The following OTOF variants were observed in gnomAD, a reference collection of about 807,000 sequenced individuals.
OTOF encodes the protein fer-1-like family member 2.
OTOF carries 218 observed loss-of-function variants against 236.8 expected under a neutral mutation model. That is an observed-to-expected ratio of 0.92 (90% confidence interval 0.82 to 1.03). The LOEUF is 1.03. Ranked by LOEUF, OTOF falls within the 50% of genes least tolerant of loss-of-function variation. The probability of loss-of-function intolerance (pLI) is 0.00; values close to 1 mark genes in which losing one functional copy is unlikely to be tolerated. For missense variants in OTOF, 2,590 were observed against 2,694.4 expected, an observed-to-expected ratio of 0.96 and a Z score of 0.86; for synonymous variants, 1,041 against 1,072.5, an observed-to-expected ratio of 0.97 and a Z score of 0.57.
intron 6 of OTOF, among the ~76,000 whole-genome samples, chr2:26,502,962 G>A (rs1327895466): frequency 6.6e-6 from 1 of 152,254 alleles, no homozygotes; most frequent in East Asian, 1.9e-4. Context: ...CTAATGAGAT[G>A]CAGACATGTG....
chr2:26,528,370 GCT>G (rs1355884492), intron 2 of OTOF, among the ~76,000 whole-genome samples: 1 of 152,172 alleles, frequency 6.6e-6, no homozygotes, highest in Non-Finnish European at 1.5e-5. Flanking sequence ...TGAGCTTCCA[GCT>G]CTCTCTCATC....
At chr2:26,526,800 T>G (rs1341114967) in intron 3 of OTOF, among the ~76,000 whole-genome samples, 1 of 152,216 alleles carries the variant, frequency 6.6e-6, no homozygotes, top group Non-Finnish European at 1.5e-5. Flanking sequence ...AGCTAACACC[T>G]CCATACCTTC....
chr2:26,543,369 G>A (rs1021252822), intron 1 of OTOF, among the ~76,000 whole-genome samples: 3 of 152,168 alleles, frequency 2.0e-5, no homozygotes, highest in Non-Finnish European at 2.9e-5. Context: ...TCTGTTAGCC[G>A]GGGGTCATTA....
chr2:26,527,393 C>T (rs924990093), intron 3 of OTOF, among the ~76,000 whole-genome samples: 3 of 152,212 alleles, frequency 2.0e-5, no homozygotes, highest in Admixed American at 6.5e-5. Context: ...TCAGGCTTGC[C>T]TGACTCCTAA....
At chr2:26,506,206 T>C (rs919231645) in intron 5 of OTOF, among the ~76,000 whole-genome samples, 4 of 152,208 alleles carry the variant, frequency 2.6e-5, no homozygotes, top group African/African-American at 7.2e-5. Flanking sequence ...GGATTCCTTT[T>C]TGCCCAGCCG....
intron 5 of OTOF, among the ~76,000 whole-genome samples, chr2:26,515,824 T>G (rs540917766): frequency 9.8e-5 from 15 of 152,328 alleles, no homozygotes; most frequent in Middle Eastern, 3.4e-3. Context: ...GTAAAAATAG[T>G]GCACGTGGAA....
intron 2 of OTOF, among the ~76,000 whole-genome samples, chr2:26,536,332 G>A (rs189209005): frequency 6.4e-4 from 98 of 152,336 alleles, no homozygotes; most frequent in Admixed American, 1.1e-3. Context: ...TGTACAGCCA[G>A]GAGGGGGAGA....
intron 1 of OTOF, among the ~76,000 whole-genome samples, chr2:26,550,851 T>C (rs1203828502): frequency 6.6e-6 from 1 of 152,152 alleles, no homozygotes; most frequent in Admixed American, 6.5e-5. Flanking sequence ...GCTAAGAGTG[T>C]GACACCAAAG....
rs765368301 is a variant in OTOF, at chr2:26,479,492, G to T, written c.2074C>A (p.Arg692=). 1.9e-6 allele frequency: 3 copies of T among 1,601,400 alleles called. No individual in the cohort carries two copies. The highest frequency in any genetic ancestry group is 1.3e-5 in the African/African-American group (1 of 74,982). ...GCCCACCTGTCGGTGACCTGGGGCC[G>T]CATTGGTGGAGTGGAGGAGACTGAG... ...LASVSSTPPM[R]PQVTDRNYFH... Residue 692 remains arginine, a synonymous_variant, in exon 17 of 47, where the codon CGG becomes AGG. Transcript: ENST00000272371.
chr2:26,516,401 G>A lies in OTOF; in HGVS notation c.509+17C>T, dbSNP rs774011460. 4 of 1,610,460 alleles carry A rather than the reference G, an allele frequency of 2.5e-6. No individual in the cohort carries two copies. The highest frequency in any genetic ancestry group is 3.3e-5 in the Admixed American group (2 of 59,882). On this transcript the variant is annotated intron_variant, in intron 5 of 46. Transcript: ENST00000272371. ...GTCTTGGGAGCAGTGGGCAGCCAGA[G>A]GGGTCCTGCCTGTTACCTCCGGAAG...
intron 14 of OTOF, 125 bp downstream of exon 14, chr2:26,482,281 G>A (rs1275578026): frequency 5.3e-6 from 5 of 940,624 alleles, no homozygotes; most frequent in South Asian, 1.4e-5. Flanking sequence ...GCAAGGCCCT[G>A]GAAGCACCTG....
In OTOF at chr2:26,461,825, C is replaced by T; in HGVS notation, c.5404G>A (p.Ala1802Thr). 6.2e-7 allele frequency: 1 copy of T among 1,614,216 alleles called. No individual in the cohort carries two copies. Among genetic ancestry groups the T allele is most frequent in the Non-Finnish European group, 8.5e-7 (1 of 1,180,030 alleles). Residue 1802 changes from alanine (A) to threonine (T), a missense_variant, in exon 43 of 47, where the codon GCG (alanine) becomes ACG (threonine). Physicochemically the swap from Ala to Thr is moderately conservative, Grantham distance 58 (BLOSUM62 0). This residue lies in a region of OTOF where 1,211 missense variants were observed against 1,352.8 expected (regional missense o/e 0.90). Transcript: ENST00000272371. This position sits in a 1 kb window ranked among gnomAD's most constrained non-coding sequence, Gnocchi z 6.2. ...RYLFPFDYLA[A>T]EEKIVISKKE... ...TTGGAGATGACGATCTTCTCCTCCGCCGCCAGGTAGTCGAAGGGGAACAGG... is the reference window on the plus strand; with the variant it reads ...TTGGAGATGACGATCTTCTCCTCCGTCGCCAGGTAGTCGAAGGGGAACAGG...
chr2:26,487,977 A>C (rs1665741870), intron 11 of OTOF, among the ~76,000 whole-genome samples: 1 of 152,128 alleles, frequency 6.6e-6, no homozygotes, highest in Non-Finnish European at 1.5e-5. Context: ...CCCCTTCATC[A>C]CCTTGGGCTT....
At position 26,468,460 on chromosome 2, in the gene OTOF, T is replaced by C. The variant is rs1664835092; in HGVS notation, c.4038A>G (p.Gln1346=). The part of the protein sequence containing the change: ...IDTMKEQLRQ[Q]EPSGIDLEEK... ...CCTCCAAGTCAATTCCAGAGGGCTC[T>C]TGTTGTCGAAGTTGCTGCCAAAAGA... Residue 1346 remains glutamine (Q), a synonymous_variant, in exon 33 of 47, where the codon CAA becomes CAG. Transcript: ENST00000272371. The C allele has an allele frequency of 1.2e-6, 2 of 1,613,826 alleles. No homozygotes were observed. The highest frequency in any genetic ancestry group is 1.7e-6 in the Non-Finnish European group (2 of 1,179,832).
At chr2:26,486,688 T>A (rs1665709740) in intron 11 of OTOF, among the ~76,000 whole-genome samples, 1 of 152,154 alleles carries the variant, frequency 6.6e-6, no homozygotes, top group Non-Finnish European at 1.5e-5. Flanking sequence ...AAGTAGTGAG[T>A]GCCCCATTTC....
At position 26,489,669 on chromosome 2, in the gene OTOF, C is replaced by T; in HGVS notation, c.960+9G>A. The T allele has an allele frequency of 1.9e-6, 3 of 1,611,248 alleles. No homozygotes were observed. The highest frequency in any genetic ancestry group is 1.7e-6 in the Non-Finnish European group (2 of 1,178,350). ...TGGCCCTGCCGGCCAGGGGCTGCTCCCCACTCACCGAAATCTTGATGATCT... is the reference window on the plus strand; with the variant it reads ...TGGCCCTGCCGGCCAGGGGCTGCTCTCCACTCACCGAAATCTTGATGATCT... On this transcript the variant is annotated intron_variant, in intron 10 of 46. Transcript: ENST00000272371.
At chr2:26,520,130 G>A (rs988345643) in intron 3 of OTOF, among the ~76,000 whole-genome samples, 1 of 152,232 alleles carries the variant, frequency 6.6e-6, no homozygotes, top group Non-Finnish European at 1.5e-5. Flanking sequence ...TCAGACAGAC[G>A]TTCTTACATG....
intron 32 of OTOF, among the ~76,000 whole-genome samples, chr2:26,469,792 T>G (rs1203262698): frequency 6.6e-6 from 1 of 152,224 alleles, no homozygotes; most frequent in African/African-American, 2.4e-5. Flanking sequence ...TAATGTGTGC[T>G]CTAATAAATA....
intron 18 of OTOF, among the ~76,000 whole-genome samples, chr2:26,478,315 A>T (rs985993463): frequency 1.3e-5 from 2 of 152,230 alleles, no homozygotes; most frequent in African/African-American, 4.8e-5. Flanking sequence ...ATGGGCTTTA[A>T]TTGTGGTTAT....
Sources: gnomAD v4.1 joint callset for allele counts (sites outside exome capture counted in the v4.1 genomes callset) on GRCh38, gnomAD v4.1.1 for gene constraint, gnomAD v4.1.1 regional missense constraint, Gnocchi (gnomAD v3.1) non-coding constraint, MANE v1.5 for transcripts, NCBI Gene and HGNC (gene_info 2026-07-23, HGNC 2026-07-21) for gene names.